ITPK1: variants seen among roughly 807,000 people sequenced by gnomAD.
ITPK1 encodes inositol 1,3,4-trisphosphate 5/6-kinase.
In ITPK1, 21 loss-of-function variants were observed where a neutral mutation model predicts 45.3. The ratio of observed to expected loss-of-function variants is 0.46; its 90% CI spans 0.33 to 0.67. ITPK1 has a LOEUF of 0.67. Ranked by LOEUF, ITPK1 falls within the 30% of genes least tolerant of loss-of-function variation. ITPK1 has a pLI of 0.02. For missense variants in ITPK1, 474 were observed against 573.5 expected (o/e 0.83, Z 1.77); for synonymous variants, 258 against 253.6 (o/e 1.02, Z -0.16).
In ITPK1 at chr14:93,073,661, G is replaced by A. The variant is rs146531191; in HGVS notation, c.120+2934C>T. ...GCAGCCAAAGTCCAGGTAATAAGAG[G>A]AACAGAAGCATTTAGTAAATGGAGA... On this transcript the variant is annotated intron_variant, in intron 3 of 10. Transcript: ENST00000267615. Among the ~76,000 whole-genome samples, 710 of 152,216 alleles carry A rather than the reference G, an allele frequency of 4.7e-3. 6 individuals are homozygous for A. Among genetic ancestry groups the A allele is most frequent in the African/African-American group, 0.016 (668 of 41,512 alleles).
chr14:93,055,440 C>T (rs377244741), intron 3 of ITPK1, among the ~76,000 whole-genome samples: 15 of 152,224 alleles, frequency 9.9e-5, no homozygotes, highest in Admixed American at 5.9e-4. Context: ...CTCCCAGTCC[C>T]CCTCCCCCAC....
chr14:92,958,140 G>T lies in ITPK1; in HGVS notation c.670+61C>A, dbSNP rs1595086278. On this transcript the variant is annotated intron_variant, in intron 8 of 10. Coordinates refer to ENST00000267615, the MANE Select transcript of ITPK1 (RefSeq NM_014216.6). The surrounding 1 kb of genome is among the most constrained non-coding windows in gnomAD (Gnocchi z 4.4). ...CAGTGCCGAAGGACAGACAGCTGCT[G>T]CCACATCCCAGCTGGGCCCCTGAGT... The T allele has an allele frequency of 6.5e-7, 1 of 1,540,904 alleles. No individual in the cohort carries two copies. The highest frequency in any genetic ancestry group is 2.3e-5 in the East Asian group (1 of 44,388).
intron 3 of ITPK1, among the ~76,000 whole-genome samples, chr14:93,042,282 T>C (rs2139913014): frequency 6.6e-6 from 1 of 152,274 alleles, no homozygotes; most frequent in South Asian, 2.1e-4. Flanking sequence ...GTTCATTCAG[T>C]GAATGATAGC....
intron 3 of ITPK1, among the ~76,000 whole-genome samples, chr14:93,042,864 A>G (rs957818572): frequency 1.3e-5 from 2 of 152,100 alleles, no homozygotes; most frequent in African/African-American, 2.4e-5. Context: ...CTAAAAACTC[A>G]AGAATTACCC....
At chr14:93,058,679 T>C (rs1281034110) in intron 3 of ITPK1, among the ~76,000 whole-genome samples, 2 of 1,616 alleles carry the variant, frequency 1.2e-3, no homozygotes, top group African/African-American at 3.6e-3. Flanking sequence ...GGGTGCGGGT[T>C]ATGAGGTGGG....
chr14:92,943,471 G>A (rs921459245), intron 10 of ITPK1, among the ~76,000 whole-genome samples: 10 of 152,226 alleles, frequency 6.6e-5, no homozygotes, highest in Non-Finnish European at 1.3e-4. Context: ...CGGGGTGTCC[G>A]TCGGCCCTGG....
rs565128709 is a variant in ITPK1 at position 92,968,004 on chromosome 14, A to G, written c.365-5155T>C. 5.9e-5 allele frequency among the ~76,000 whole-genome samples: 9 copies of G among 152,318 alleles called. No homozygotes were observed. The South Asian group carries it at 1.7e-3, about 28-fold the overall frequency. On this transcript the variant is annotated intron_variant, in intron 5 of 10. Coordinates refer to ENST00000267615, the MANE Select transcript of ITPK1 (RefSeq NM_014216.6). Reference sequence around the variant, plus strand: ...ATGACCGCACAATTTTGTGAATATAATCAAAACTACAGAACTAGATGTACA... The same window carrying G: ...ATGACCGCACAATTTTGTGAATATAGTCAAAACTACAGAACTAGATGTACA...
chr14:92,978,527 T>A (rs1372113680), intron 5 of ITPK1, among the ~76,000 whole-genome samples: 1 of 151,952 alleles, frequency 6.6e-6, no homozygotes. Context: ...GTCCCTCCCA[T>A]CACAGGCCAG....
intron 2 of ITPK1, among the ~76,000 whole-genome samples, chr14:93,105,847 G>A (rs1198300368): frequency 6.6e-6 from 1 of 151,984 alleles, no homozygotes. Flanking sequence ...GGGATTACAG[G>A]TGCCAGTCAC....
At chr14:92,965,742 G>T (rs546529827) in intron 5 of ITPK1, among the ~76,000 whole-genome samples, 1 of 152,202 alleles carries the variant, frequency 6.6e-6, no homozygotes, top group Non-Finnish European at 1.5e-5. Context: ...GGTGGCTCAC[G>T]CCTGTAATCC....
chr14:92,995,351 G>T (rs933699989), intron 4 of ITPK1, among the ~76,000 whole-genome samples: 5 of 152,208 alleles, frequency 3.3e-5, no homozygotes, highest in Non-Finnish European at 7.3e-5. Flanking sequence ...TGCCTTCCTA[G>T]TGAGCCTTAT....
chr14:92,950,332 C>T (rs549241310), intron 9 of ITPK1, among the ~76,000 whole-genome samples: 18 of 152,312 alleles, frequency 1.2e-4, no homozygotes, highest in African/African-American at 4.1e-4. Context: ...GAGCAGCAAG[C>T]GTGTTTCCGC....
At chr14:93,105,038 C>T (rs758379353) in intron 2 of ITPK1, among the ~76,000 whole-genome samples, 10 of 152,312 alleles carry the variant, frequency 6.6e-5, no homozygotes, top group Admixed American at 2.0e-4. Flanking sequence ...CAGCCAGAGG[C>T]AAGAAATCTG....
At chr14:92,976,465 G>A (rs1043025813) in intron 5 of ITPK1, among the ~76,000 whole-genome samples, 4 of 152,204 alleles carry the variant, frequency 2.6e-5, no homozygotes, top group African/African-American at 9.6e-5. Context: ...GACTGCATGG[G>A]AGAACCACCC....
chr14:92,938,015 A>T lies in ITPK1; in HGVS notation c.*3546T>A, dbSNP rs1887198560. On this transcript the variant is annotated 3_prime_UTR_variant, in exon 11 of 11. Coordinates refer to ENST00000267615, the MANE Select transcript of ITPK1 (RefSeq NM_014216.6). ...TTGCTCTGTTGCCAGGCTGGAGTGCAGTGGTGCGATCTTGGCTCACTGCAA... is the reference window on the plus strand; with the variant it reads ...TTGCTCTGTTGCCAGGCTGGAGTGCTGTGGTGCGATCTTGGCTCACTGCAA... 5.7e-6 allele frequency: 1 copy of T among 174,806 alleles called. No homozygotes were observed. The highest frequency in any genetic ancestry group is 1.7e-4 in the East Asian group (1 of 5,822). The allele number at this position is 174,806 out of a possible 1,614,324, so 10.8% of individuals were successfully genotyped here.
rs1329012959 is a variant in ITPK1 at position 92,993,900 on chromosome 14, T to A, written c.344A>T (p.Lys115Met). Residue 115 changes from lysine (K) to methionine (M), a missense_variant, in exon 5 of 11, where the codon AAG becomes ATG. By Grantham distance (95) the Lys-to-Met change is moderately conservative. This residue lies in a region of ITPK1 where 367 missense variants were observed against 480.6 expected (regional missense o/e 0.76). Transcript: ENST00000267615. ...DRSKSYELIR[K>M]IEAYMEDDRI... ...CCTACCTTCCATGTAGGCCTCAATC[T>A]TCCGGATGAGCTCATAGGACTTGGA... 3 of 1,611,506 alleles carry A rather than the reference T, an allele frequency of 1.9e-6. No homozygotes were observed. In the Admixed American group the frequency reaches 5.0e-5, roughly 27 times the overall value.
intron 4 of ITPK1, among the ~76,000 whole-genome samples, chr14:92,997,009 T>C (rs1228298498): frequency 2.0e-5 from 3 of 152,140 alleles, no homozygotes; most frequent in Non-Finnish European, 2.9e-5. Context: ...GAGAGTGTAT[T>C]TGTAAAGGTA....
intron 3 of ITPK1, among the ~76,000 whole-genome samples, chr14:93,026,372 A>G (rs901930816): frequency 6.6e-6 from 1 of 152,252 alleles, no homozygotes; most frequent in African/African-American, 2.4e-5. Flanking sequence ...ATTAACTACA[A>G]AAGGCTTCCA....
intron 4 of ITPK1, among the ~76,000 whole-genome samples, chr14:92,999,354 A>G (rs1232500884): frequency 6.6e-6 from 1 of 152,256 alleles, no homozygotes; most frequent in African/African-American, 2.4e-5. Flanking sequence ...GGTCAGAGAC[A>G]AAGTCCCGGG....
Sources: allele counts gnomAD v4.1 joint callset (sites outside exome capture counted in the v4.1 genomes callset), GRCh38; gene constraint gnomAD v4.1.1; regional missense constraint gnomAD v4.1.1; non-coding constraint Gnocchi (gnomAD v3.1); transcripts MANE v1.5; gene names NCBI Gene and HGNC (gene_info 2026-07-23, HGNC 2026-07-21).